POLD3: variants seen among roughly 807,000 people sequenced by gnomAD.
The protein encoded by POLD3 is DNA polymerase delta 3, accessory subunit, also known as DNA polymerase delta subunit 3.
A neutral mutation model predicts 58.2 loss-of-function variants in POLD3; 19 were observed. That is an observed-to-expected ratio of 0.33 (90% CI 0.23 to 0.48). The LOEUF (loss-of-function observed/expected upper bound fraction) is 0.48, where lower values mean the gene tolerates loss of function less well. Among genes scored for constraint, POLD3 ranks in the 20% least tolerant of loss-of-function variants. The pLI, the probability that POLD3 is intolerant of heterozygous loss-of-function variation, is 0.99. For missense variants in POLD3, 504 were observed against 545.5 expected, an observed-to-expected ratio of 0.92 and a Z score of 0.76; for synonymous variants, 172 against 193.5, an observed-to-expected ratio of 0.89 and a Z score of 0.92.
Position 74,642,427 on chromosome 11 carries a change from T to C in POLD3, c.*1661T>C. The C allele has an allele frequency of 1.0e-6, 1 of 985,202 alleles. No individual in the cohort carries two copies. Among genetic ancestry groups the C allele is most frequent in the African/African-American group, 1.7e-5 (1 of 57,362 alleles). 61.0% of individuals were successfully genotyped at this position (985,202 alleles called of 1,614,324 possible). ...AAACAGTTACTTTTGTCATTGCCTCTGGTCATTTGTCTAAATAGGAATGGA... is the reference window on the plus strand; with the variant it reads ...AAACAGTTACTTTTGTCATTGCCTCCGGTCATTTGTCTAAATAGGAATGGA... On this transcript the variant is annotated 3_prime_UTR_variant, in exon 12 of 12. Coordinates refer to ENST00000263681, the MANE Select transcript of POLD3 (RefSeq NM_006591.3).
intron 4 of POLD3, among the ~76,000 whole-genome samples, chr11:74,659,198 A>G (rs2033175512): frequency 6.6e-6 from 1 of 152,198 alleles, no homozygotes; most frequent in Non-Finnish European, 1.5e-5. Context: ...CCACCCTCTG[A>G]AGCCACAGCC....
intron 7 of POLD3, among the ~76,000 whole-genome samples, chr11:74,621,389 ACCACCGCCCCCGACCCC>A (rs1591306395): frequency 6.6e-6 from 1 of 150,954 alleles, no homozygotes; most frequent in African/African-American, 2.4e-5. Flanking sequence ...TCATCCTGAA[ACCACCGCCCCCGACCCC>A]CCACCGCCGC....
At chr11:74,648,437 A>C (rs781049009) in intron 4 of POLD3, among the ~76,000 whole-genome samples, 14 of 152,164 alleles carry the variant, frequency 9.2e-5, no homozygotes, top group Non-Finnish European at 1.8e-4. Context: ...GTGTGTGTCC[A>C]TAGGTCAGTG....
intron 2 of POLD3, among the ~76,000 whole-genome samples, chr11:74,600,351 G>A (rs1247193183): frequency 1.3e-5 from 2 of 152,132 alleles, no homozygotes; most frequent in African/African-American, 4.8e-5. Context: ...TTGGGAGGCC[G>A]AGGAGGGCAG....
intron 7 of POLD3, among the ~76,000 whole-genome samples, chr11:74,624,100 A>G (rs553011989): frequency 6.6e-6 from 1 of 152,314 alleles, no homozygotes; most frequent in South Asian, 2.1e-4. Flanking sequence ...TTTTAAAACA[A>G]TTGCTATTAA....
intron 3 of POLD3, among the ~76,000 whole-genome samples, chr11:74,609,368 A>ATG (rs2031817768): frequency 4.7e-5 from 1 of 21,260 alleles, no homozygotes; most frequent in African/African-American, 1.8e-4. Context: ...ATATATATAT[A>ATG]TATATTTTTT....
rs1053499014 is a variant in POLD3 at position 74,641,929 on chromosome 11, C to T, written c.*1163C>T. The T allele has an allele frequency of 5.1e-6, 5 of 985,134 alleles. No individual in the cohort carries two copies. Among genetic ancestry groups the T allele is most frequent in the Non-Finnish European group, 6.0e-6 (5 of 829,774 alleles). 61.0% of individuals were successfully genotyped at this position (985,134 alleles called of 1,614,324 possible). The stretch of plus-strand genomic sequence containing the variant: ...GTTACTTATGGAAAATCATCTATTA[C>T]AATGATAACCTTCAAGTGACTTCCA... On this transcript the variant is annotated 3_prime_UTR_variant, in exon 12 of 12. Transcript: ENST00000263681.
chr11:74,650,605 G>A (rs575570855), intron 4 of POLD3, among the ~76,000 whole-genome samples: 85 of 152,270 alleles, frequency 5.6e-4, no homozygotes, highest in African/African-American at 1.9e-3. Flanking sequence ...CTATAGTCAC[G>A]CCTGCAGTTT....
intron 4 of POLD3, among the ~76,000 whole-genome samples, chr11:74,667,557 ATATTTTACTGC>A: frequency 2.6e-5 from 4 of 151,824 alleles, no homozygotes; most frequent in African/African-American, 7.3e-5. Context: ...TATGTCATGA[ATATTTTACTGC>A]AATTTAAAAA....
intron 8 of POLD3, 143 bp downstream of exon 8, chr11:74,625,716 G>C: frequency 1.7e-6 from 1 of 599,240 alleles, no homozygotes; most frequent in East Asian, 2.9e-5. Flanking sequence ...AACCAAAATG[G>C]AAAGAGAAGC....
intron 2 of POLD3, among the ~76,000 whole-genome samples, chr11:74,602,228 G>A (rs1304693427): frequency 6.6e-6 from 1 of 152,092 alleles, no homozygotes; most frequent in Non-Finnish European, 1.5e-5. Flanking sequence ...ACAGGCGTGA[G>A]CCACCACACC....
chr11:74,646,781 T>C (rs983008274), downstream of POLD3, among the ~76,000 whole-genome samples: 2 of 152,234 alleles, frequency 1.3e-5, no homozygotes, highest in African/African-American at 2.4e-5. Flanking sequence ...GCAAGTGGGT[T>C]AGGCCAGGGT....
chr11:74,623,371 C>A (rs573177227), intron 7 of POLD3, among the ~76,000 whole-genome samples: 1 of 152,186 alleles, frequency 6.6e-6, no homozygotes, highest in Non-Finnish European at 1.5e-5. Context: ...GGAGGCGGAG[C>A]TTGCAGTGAG....
chr11:74,604,348 C>G (rs1036678967), intron 2 of POLD3, among the ~76,000 whole-genome samples: 8 of 152,182 alleles, frequency 5.3e-5, no homozygotes, highest in African/African-American at 1.4e-4. Flanking sequence ...TTATCCAGAG[C>G]TTAGACAGTT....
chr11:74,597,586 G>A (rs1212454155), intron 2 of POLD3, among the ~76,000 whole-genome samples: 2 of 152,132 alleles, frequency 1.3e-5, no homozygotes, highest in African/African-American at 4.8e-5. Context: ...TCAGCCTCCC[G>A]ACTAGCTGGA....
At chr11:74,608,515 C>T (rs950674813) in intron 3 of POLD3, among the ~76,000 whole-genome samples, 1 of 152,156 alleles carries the variant, frequency 6.6e-6, no homozygotes, top group Non-Finnish European at 1.5e-5. Flanking sequence ...GGGCTTACCC[C>T]CTCCTAGGCT....
chr11:74,632,680 A>G (rs2032626800), intron 9 of POLD3, among the ~76,000 whole-genome samples: 2 of 151,952 alleles, frequency 1.3e-5, no homozygotes, highest in Non-Finnish European at 2.9e-5. Flanking sequence ...AAATTTCTTA[A>G]TCATTAAGGA....
intron 7 of POLD3, among the ~76,000 whole-genome samples, chr11:74,623,950 C>A (rs1177428158): frequency 6.6e-6 from 1 of 152,156 alleles, no homozygotes; most frequent in Non-Finnish European, 1.5e-5. Context: ...ACTCTGGATG[C>A]TGAATCTAAT....
At chr11:74,623,115 G>A (rs1317031238) in intron 7 of POLD3, among the ~76,000 whole-genome samples, 4 of 152,152 alleles carry the variant, frequency 2.6e-5, no homozygotes, top group East Asian at 3.8e-4. Context: ...TATATGAAAC[G>A]TCCAGAATAG....
Sources: allele counts gnomAD v4.1 joint callset (sites outside exome capture counted in the v4.1 genomes callset), GRCh38; gene constraint gnomAD v4.1.1; transcripts MANE v1.5; gene names NCBI Gene and HGNC (gene_info 2026-07-23, HGNC 2026-07-21).